KLF13: variants seen among roughly 807,000 people sequenced by gnomAD.
KLF13 encodes KLF transcription factor 13.
A neutral mutation model predicts 16.7 loss-of-function variants in KLF13; 8 were observed. That is an observed-to-expected ratio of 0.48 (90% CI 0.28 to 0.87). The LOEUF (loss-of-function observed/expected upper bound fraction) is 0.87, where lower values mean the gene tolerates loss of function less well. Ranked by LOEUF, KLF13 falls within the 40% of genes least tolerant of loss-of-function variation. The probability of loss-of-function intolerance (pLI) is 0.10; values close to 1 mark genes in which losing one functional copy is unlikely to be tolerated. For synonymous variants in KLF13, 245 were observed against 208.4 expected, an observed-to-expected ratio of 1.18 and a Z score of -1.51; for missense variants, 447 against 452.2, an observed-to-expected ratio of 0.99 and a Z score of 0.10.
chr15:31,376,307 T>TG lies in KLF13; in HGVS notation c.*4008_*4009insG, dbSNP rs59494932. ...TTGTGGCTGTGTGTACAGGGCTACC[T>TG]ATTTTGACTTCTGACAGGTGTCACT... On this transcript the variant is annotated 3_prime_UTR_variant, in exon 2 of 2. Coordinates refer to ENST00000307145, the MANE Select transcript of KLF13 (RefSeq NM_015995.4). The TG allele has an allele frequency of 6.6e-6, 1 of 152,344 alleles. No individual in the cohort carries two copies. Among genetic ancestry groups the TG allele is most frequent in the African/African-American group, 2.4e-5 (1 of 41,460 alleles). 9.4% of individuals were successfully genotyped at this position (152,344 alleles called of 1,614,324 possible).
intron 1 of KLF13, 61 bp downstream of exon 1, chr15:31,327,850 C>T: frequency 7.6e-7 from 1 of 1,315,852 alleles, no homozygotes; most frequent in Non-Finnish European, 9.8e-7. Flanking sequence ...GCTGCCCGAC[C>T]ACGCCCCCGG....
At chr15:31,420,343 A>G (rs2040306318) in intron 1 of KLF13, 1 of 1,060,188 alleles carries the variant, frequency 9.4e-7, no homozygotes, top group Non-Finnish European at 1.4e-6. Flanking sequence ...CAGCTGGCAC[A>G]GTGTATGAAG....
At chr15:31,420,218 G>A (rs2040305039) in intron 1 of KLF13, 1 of 634,798 alleles carries the variant, frequency 1.6e-6, no homozygotes, top group Admixed American at 1.8e-5. Context: ...CCAGAATCCT[G>A]TGGGCAAAAG....
At chr15:31,363,797 C>A (rs549436072) in intron 1 of KLF13, among the ~76,000 whole-genome samples, 1 of 152,306 alleles carries the variant, frequency 6.6e-6, no homozygotes, top group African/African-American at 2.4e-5. Context: ...TTAGTCTTTT[C>A]TTTTATGGTT....
intron 1 of KLF13, among the ~76,000 whole-genome samples, chr15:31,383,171 A>G (rs2140977035): frequency 6.6e-6 from 1 of 152,334 alleles, no homozygotes; most frequent in South Asian, 2.1e-4. Context: ...TACCCTGATG[A>G]ACACAGCTGC....
chr15:31,367,657 T>C (rs866663187), intron 1 of KLF13, among the ~76,000 whole-genome samples: 2 of 152,172 alleles, frequency 1.3e-5, no homozygotes, highest in African/African-American at 4.8e-5. Context: ...TTGGGTTGGC[T>C]TCCCCCCACA....
At chr15:31,362,336 G>T (rs1005649544) in intron 1 of KLF13, among the ~76,000 whole-genome samples, 1 of 152,212 alleles carries the variant, frequency 6.6e-6, no homozygotes, top group African/African-American at 2.4e-5. Context: ...AAGCCCTGGA[G>T]CCCTGCCCTG....
intron 1 of KLF13, 64 bp downstream of exon 1, chr15:31,327,853 G>GC (rs1245125110): frequency 1.6e-6 from 2 of 1,274,358 alleles, no homozygotes; most frequent in Non-Finnish European, 2.0e-6. Context: ...GCCCGACCAC[G>GC]CCCCCGGAGT....
At position 31,327,177 on chromosome 15, in the gene KLF13, G is replaced by C; in HGVS notation, c.-36G>C. ...GGTGCGGATGCGCGGCTGACGACTC[G>C]CAGCAAGAGCACCGCCGCCGGCCCC... On this transcript the variant is annotated 5_prime_UTR_variant, in exon 1 of 2. Transcript: ENST00000307145. 5 of 1,228,464 alleles carry C rather than the reference G, an allele frequency of 4.1e-6. No homozygotes were observed. Among genetic ancestry groups the C allele is most frequent in the Middle Eastern group, 6.8e-4 (2 of 2,954 alleles). The allele number at this position is 1,228,464 out of a possible 1,614,324, so 76.1% of individuals were successfully genotyped here.
rs982900840 is a variant in KLF13 at position 31,377,815 on chromosome 15, G to A, written c.*5516G>A. The A allele has an allele frequency of 7.9e-5, 12 of 152,576 alleles. No individual in the cohort carries two copies. Among genetic ancestry groups the A allele is most frequent in the East Asian group, 3.8e-4 (2 of 5,202 alleles). 9.5% of individuals were successfully genotyped at this position (152,576 alleles called of 1,614,324 possible). ...GTCCTATGCAAAAAGAAAAATTAAC[G>A]AAATTGTAAATTTTATTGTTTTAAC... On this transcript the variant is annotated 3_prime_UTR_variant, in exon 2 of 2. Coordinates refer to ENST00000307145, the MANE Select transcript of KLF13 (RefSeq NM_015995.4).
intron 2 of KLF13, among the ~76,000 whole-genome samples, chr15:31,403,227 A>G (rs1248849022): frequency 6.6e-6 from 1 of 152,180 alleles, no homozygotes; most frequent in Admixed American, 6.5e-5. Context: ...TCTGGTCCGG[A>G]TAACTCTGGG....
At chr15:31,361,838 C>A (rs2039394176) in intron 1 of KLF13, among the ~76,000 whole-genome samples, 1 of 136,624 alleles carries the variant, frequency 7.3e-6, no homozygotes, top group Non-Finnish European at 1.6e-5. Flanking sequence ...CCAGACGTCA[C>A]AGCCAGAGGC....
Position 31,327,564 on chromosome 15 carries a change from C to G in KLF13, c.352C>G (p.Pro118Ala). The G allele has an allele frequency of 8.8e-7, 1 of 1,142,530 alleles. No homozygotes were observed. Among genetic ancestry groups the G allele is most frequent in the Non-Finnish European group, 1.1e-6 (1 of 926,804 alleles). The allele number at this position is 1,142,530 out of a possible 1,614,324, so 70.8% of individuals were successfully genotyped here. ...CGCCGAAGGCGCGGCGGCCGCGCCC[C>G]CCAGCCCGGCGTGGAGCGAGCCGGA... ...PGAEGAAAAP[P>A]SPAWSEPEPE... The change falls in exon 1 of 2, where the codon CCC becomes GCC. Residue 118 changes from proline (P) to alanine (A), a missense_variant. Pro to Ala is a conservative substitution (Grantham distance 27). Coordinates refer to ENST00000307145, the MANE Select transcript of KLF13 (RefSeq NM_015995.4).
intron 1 of KLF13, among the ~76,000 whole-genome samples, chr15:31,411,400 C>CT (rs140755995): frequency 0.2 from 27,486 of 138,040 alleles, 2,910 homozygotes; most frequent in East Asian, 0.31. Flanking sequence ...TTTTTTTTTT[C>CT]TTTTTTTTTT....
At chr15:31,363,969 C>T (rs376440407) in intron 1 of KLF13, among the ~76,000 whole-genome samples, 2 of 152,198 alleles carry the variant, frequency 1.3e-5, no homozygotes, top group East Asian at 3.8e-4. Flanking sequence ...GAAGTGTCCT[C>T]ATAACATGTA....
intron 1 of KLF13, among the ~76,000 whole-genome samples, chr15:31,364,817 T>G (rs956654296): frequency 6.6e-6 from 1 of 152,226 alleles, no homozygotes; most frequent in East Asian, 1.9e-4. Flanking sequence ...TGCGAAGCCA[T>G]GTGCATGTCA....
chr15:31,430,184 A>T (rs1304828157), intron 1 of KLF13, among the ~76,000 whole-genome samples: 1 of 152,210 alleles, frequency 6.6e-6, no homozygotes, highest in African/African-American at 2.4e-5. Context: ...ATCAAAGGAC[A>T]CTATTAAGAG....
chr15:31,426,039 C>G (rs2040397275), intron 1 of KLF13, among the ~76,000 whole-genome samples: 1 of 152,192 alleles, frequency 6.6e-6, no homozygotes, highest in Non-Finnish European at 1.5e-5. Flanking sequence ...AGTCTCTTTG[C>G]TAAAACATAA....
intron 1 of KLF13, among the ~76,000 whole-genome samples, chr15:31,367,275 C>T (rs747717899): frequency 2.6e-5 from 4 of 152,280 alleles, no homozygotes; most frequent in Admixed American, 6.5e-5. Flanking sequence ...GTTCATTGGC[C>T]GTCACCTCTC....
Sources: gnomAD v4.1 joint callset for allele counts (sites outside exome capture counted in the v4.1 genomes callset) on GRCh38, gnomAD v4.1.1 for gene constraint, MANE v1.5 for transcripts, NCBI Gene and HGNC (gene_info 2026-07-23, HGNC 2026-07-21) for gene names.